CLSTN2: variants seen among roughly 807,000 people sequenced by gnomAD.
The protein encoded by CLSTN2 is calsyntenin 2.
Under a neutral mutation model 101.2 loss-of-function variants are expected in CLSTN2, and 48 were observed. The ratio of observed to expected loss-of-function variants is 0.47; its 90% CI spans 0.38 to 0.60. The LOEUF (loss-of-function observed/expected upper bound fraction) is 0.60. CLSTN2 is among the 20% of genes least tolerant of loss of function. CLSTN2 has a pLI of 0.00. For missense variants in CLSTN2, 1,160 were observed against 1,238.2 expected, an observed-to-expected ratio of 0.94 and a Z score of 0.95; for synonymous variants, 481 against 463.6, an observed-to-expected ratio of 1.04 and a Z score of -0.48.
At chr3:140,402,682 T>A (rs1410338547) in intron 2 of CLSTN2, among the ~76,000 whole-genome samples, 1 of 152,226 alleles carries the variant, frequency 6.6e-6, no homozygotes, top group African/African-American at 2.4e-5. Flanking sequence ...GCCTCAGCAG[T>A]GCAGCTGAAG....
intron 1 of CLSTN2, among the ~76,000 whole-genome samples, chr3:140,139,511 T>C (rs2009664549): frequency 2.0e-5 from 3 of 152,116 alleles, no homozygotes; most frequent in African/African-American, 4.8e-5. Flanking sequence ...CTTTAAAAAC[T>C]CTTCCTTCCT....
chr3:140,357,626 C>T (rs2087685297), intron 2 of CLSTN2, among the ~76,000 whole-genome samples: 1 of 152,094 alleles, frequency 6.6e-6, no homozygotes, highest in Non-Finnish European at 1.5e-5. Context: ...GGCAGGAACA[C>T]TGAGCCCAGG....
chr3:140,542,352 G>C (rs1009472488), intron 9 of CLSTN2, among the ~76,000 whole-genome samples: 1 of 152,114 alleles, frequency 6.6e-6, no homozygotes, highest in Non-Finnish European at 1.5e-5. Context: ...TACAGAAAAT[G>C]CTTTAAAAAT....
intron 4 of CLSTN2, among the ~76,000 whole-genome samples, chr3:140,409,721 G>C (rs758210644): frequency 1.6e-4 from 24 of 152,120 alleles, no homozygotes; most frequent in Non-Finnish European, 3.5e-4. Flanking sequence ...AATAGCCATT[G>C]AATTCCTGAT....
At chr3:140,427,182 A>AT (rs1448320694) in intron 5 of CLSTN2, among the ~76,000 whole-genome samples, 2 of 79,810 alleles carry the variant, frequency 2.5e-5, no homozygotes, top group Admixed American at 1.5e-4. Flanking sequence ...TCAAAAAAAA[A>AT]AAATATATAT....
At chr3:139,951,369 G>A (rs972381738) in intron 1 of CLSTN2, among the ~76,000 whole-genome samples, 2 of 152,230 alleles carry the variant, frequency 1.3e-5, no homozygotes, top group Non-Finnish European at 2.9e-5. Flanking sequence ...AACTGAAAGA[G>A]GCCAGGATTT....
chr3:140,274,155 C>T (rs1385193356), intron 2 of CLSTN2, among the ~76,000 whole-genome samples: 2 of 152,144 alleles, frequency 1.3e-5, no homozygotes, highest in African/African-American at 2.4e-5. Context: ...CCTTTTGGCT[C>T]CTCCCATGTG....
chr3:140,024,676 G>A (rs993920270), intron 1 of CLSTN2, among the ~76,000 whole-genome samples: 4 of 152,164 alleles, frequency 2.6e-5, no homozygotes, highest in Non-Finnish European at 5.9e-5. Flanking sequence ...TGAGTCTCAC[G>A]GTGGTTTGAC....
chr3:140,500,526 T>C (rs777150076), intron 8 of CLSTN2, among the ~76,000 whole-genome samples: 4 of 152,206 alleles, frequency 2.6e-5, no homozygotes, highest in Non-Finnish European at 4.4e-5. Context: ...CAGAGGAGTG[T>C]TGGACCTGTC....
At chr3:140,288,842 G>T (rs182413025) in intron 2 of CLSTN2, among the ~76,000 whole-genome samples, 1 of 152,204 alleles carries the variant, frequency 6.6e-6, no homozygotes, top group Admixed American at 6.5e-5. Flanking sequence ...GCAGCCTGTG[G>T]CATTCTCCAC....
At chr3:140,253,762 C>T (rs564686513) in intron 2 of CLSTN2, among the ~76,000 whole-genome samples, 11 of 152,092 alleles carry the variant, frequency 7.2e-5, no homozygotes, top group East Asian at 1.9e-4. Flanking sequence ...CAAAGGGTTT[C>T]GGTCTTTTTT....
At chr3:140,171,601 T>C (rs1322459841) in intron 1 of CLSTN2, among the ~76,000 whole-genome samples, 4 of 138,778 alleles carry the variant, frequency 2.9e-5, no homozygotes, top group African/African-American at 1.1e-4. Flanking sequence ...ATATACTGTA[T>C]AATGTGCATT....
intron 2 of CLSTN2, among the ~76,000 whole-genome samples, chr3:140,392,867 G>A (rs937616049): frequency 1.3e-5 from 2 of 151,904 alleles, no homozygotes; most frequent in African/African-American, 2.4e-5. Flanking sequence ...TTACAGTTAT[G>A]GAGGGTGAGA....
chr3:140,357,635 G>C (rs1156984415), intron 2 of CLSTN2, among the ~76,000 whole-genome samples: 1 of 152,084 alleles, frequency 6.6e-6, no homozygotes, highest in Non-Finnish European at 1.5e-5. Context: ...ACTGAGCCCA[G>C]GCAGAAAAGA....
chr3:139,954,836 T>A (rs1935359473), intron 1 of CLSTN2, among the ~76,000 whole-genome samples: 1 of 151,998 alleles, frequency 6.6e-6, no homozygotes, highest in Admixed American at 6.6e-5. Flanking sequence ...GGTAAGACAA[T>A]GAAAAATCTG....
intron 9 of CLSTN2, 22 bp downstream of exon 9, chr3:140,532,508 TTC>T: frequency 6.3e-7 from 1 of 1,597,218 alleles, no homozygotes; most frequent in Non-Finnish European, 8.6e-7. Context: ...TGAAACCCTT[TTC>T]TCTGACCTGT....
intron 1 of CLSTN2, among the ~76,000 whole-genome samples, chr3:140,159,762 C>T (rs2107819136): frequency 6.6e-6 from 1 of 152,230 alleles, no homozygotes; most frequent in African/African-American, 2.4e-5. Context: ...GGAATCAACC[C>T]AGTTGCCTAT....
At chr3:140,535,649 G>A (rs1355088887) in intron 9 of CLSTN2, among the ~76,000 whole-genome samples, 8 of 152,190 alleles carry the variant, frequency 5.3e-5, no homozygotes, top group Non-Finnish European at 4.4e-5. Flanking sequence ...TTTCCTTATG[G>A]AAACTTTAAA....
At chr3:140,058,099 A>G (rs1240973489) in intron 1 of CLSTN2, among the ~76,000 whole-genome samples, 2 of 151,802 alleles carry the variant, frequency 1.3e-5, no homozygotes, top group African/African-American at 4.8e-5. Flanking sequence ...TAAAAAAAAA[A>G]ATTTCAAAAA....
Sources: gnomAD v4.1 joint callset for allele counts (sites outside exome capture counted in the v4.1 genomes callset) on GRCh38, gnomAD v4.1.1 for gene constraint, MANE v1.5 for transcripts, NCBI Gene and HGNC (gene_info 2026-07-23, HGNC 2026-07-21) for gene names.